TAOK1: variants seen among roughly 807,000 people sequenced by gnomAD.
TAOK1 encodes the protein TAO kinase 1.
TAOK1 carries 21 observed loss-of-function variants against 138.3 expected under a neutral mutation model. That is an observed-to-expected ratio of 0.15 (90% confidence interval 0.11 to 0.22). TAOK1 has a LOEUF of 0.22. TAOK1 is among the 10% of genes least tolerant of loss of function. TAOK1 has a pLI of 1.00. For synonymous variants in TAOK1, 361 were observed against 398.4 expected, an observed-to-expected ratio of 0.91 and a Z score of 1.12; for missense variants, 651 against 1,227.7, an observed-to-expected ratio of 0.53 and a Z score of 7.02.
In TAOK1 at chr17:29,390,529, C is replaced by G. The variant is rs920160649; in HGVS notation, c.-590C>G. On this transcript the variant is annotated 5_prime_UTR_variant, in exon 1 of 20. Coordinates refer to ENST00000261716, the MANE Select transcript of TAOK1 (RefSeq NM_020791.4). ...GGCACTCGCGAACATCTGAGGCCTC[C>G]CGGCCCCGGGGGACCCCGCCCCGCC... 4 of 152,564 alleles carry G rather than the reference C, an allele frequency of 2.6e-5. No homozygotes were observed. Among genetic ancestry groups the G allele is most frequent in the African/African-American group, 9.7e-5 (4 of 41,436 alleles). The allele number at this position is 152,564 out of a possible 1,614,324, so 9.5% of individuals were successfully genotyped here.
intron 1 of TAOK1, among the ~76,000 whole-genome samples, chr17:29,403,176 A>T (rs866304053): frequency 0.017 from 2,491 of 150,924 alleles, 86 homozygotes; most frequent in African/African-American, 0.057. Flanking sequence ...AAAAAAAAAA[A>T]AAAAAAAAAT....
At chr17:29,488,881 G>A (rs527275721) in intron 8 of TAOK1, among the ~76,000 whole-genome samples, 16 of 152,086 alleles carry the variant, frequency 1.1e-4, no homozygotes, top group African/African-American at 3.4e-4. Context: ...AAATCAGTGC[G>A]GATATTAAAA....
intron 1 of TAOK1, among the ~76,000 whole-genome samples, chr17:29,419,903 A>G (rs1476891077): frequency 6.6e-6 from 1 of 152,074 alleles, no homozygotes; most frequent in Non-Finnish European, 1.5e-5. Flanking sequence ...TTTTTGAGAC[A>G]GGGTCTCACT....
intron 8 of TAOK1, among the ~76,000 whole-genome samples, chr17:29,487,199 T>C (rs1253311913): frequency 1.5e-5 from 2 of 137,430 alleles, no homozygotes; most frequent in Non-Finnish European, 3.0e-5. Flanking sequence ...TGAGCCAAGA[T>C]TGTGCCATTG....
intron 1 of TAOK1, among the ~76,000 whole-genome samples, chr17:29,428,771 G>A (rs547048968): frequency 6.7e-6 from 1 of 148,878 alleles, no homozygotes; most frequent in Non-Finnish European, 1.5e-5. Flanking sequence ...CTGCAGTTGC[G>A]CACCACAACA....
chr17:29,394,554 C>G (rs923151835), intron 1 of TAOK1, among the ~76,000 whole-genome samples: 1 of 152,104 alleles, frequency 6.6e-6, no homozygotes, highest in Non-Finnish European at 1.5e-5. Flanking sequence ...GAGTTGAGAT[C>G]AATCTGTCTT....
At chr17:29,417,012 T>TG (rs1424965136) in intron 1 of TAOK1, among the ~76,000 whole-genome samples, 6 of 152,080 alleles carry the variant, frequency 3.9e-5, no homozygotes, top group Admixed American at 2.0e-4. Flanking sequence ...CCAGTTTTTT[T>TG]TTTTTGTTGT....
At chr17:29,453,015 T>C (rs769648025) in intron 2 of TAOK1, among the ~76,000 whole-genome samples, 5 of 152,180 alleles carry the variant, frequency 3.3e-5, no homozygotes, top group Non-Finnish European at 5.9e-5. Flanking sequence ...CAGGTTCCTA[T>C]AGTATTCTGT....
intron 10 of TAOK1, among the ~76,000 whole-genome samples, chr17:29,493,140 C>CA (rs1449291667): frequency 2.7e-5 from 4 of 148,030 alleles, no homozygotes; most frequent in Non-Finnish European, 4.5e-5. Flanking sequence ...ACTGTGTCTC[C>CA]AAAAAAAAGA....
At chr17:29,477,812 A>G (rs1354345235) in intron 5 of TAOK1, 106 bp downstream of exon 5, 2 of 573,374 alleles carry the variant, frequency 3.5e-6, no homozygotes, top group East Asian at 8.7e-5. Flanking sequence ...CTTTCCAGAA[A>G]GAGCAGAACT....
chr17:29,493,746 A>G (rs1170805684), intron 10 of TAOK1, among the ~76,000 whole-genome samples: 1 of 152,154 alleles, frequency 6.6e-6, no homozygotes, highest in Non-Finnish European at 1.5e-5. Flanking sequence ...GTTGCAGTCT[A>G]TCATAAAGAA....
intron 1 of TAOK1, among the ~76,000 whole-genome samples, chr17:29,406,788 G>A (rs566306920): frequency 1.3e-5 from 2 of 152,100 alleles, no homozygotes; most frequent in Non-Finnish European, 2.9e-5. Flanking sequence ...GGCTGGTCTT[G>A]AACTCCCGGG....
chr17:29,453,320 C>T lies in TAOK1; in HGVS notation c.132+1640C>T, dbSNP rs184197958. Among the ~76,000 whole-genome samples the T allele has an allele frequency of 3.6e-3, 544 of 150,724 alleles. 5 individuals carry two copies. The highest frequency in any genetic ancestry group is 0.014 in the East Asian group (71 of 5,020). On this transcript the variant is annotated intron_variant, in intron 2 of 19. Coordinates refer to ENST00000261716, the MANE Select transcript of TAOK1 (RefSeq NM_020791.4). The stretch of plus-strand genomic sequence containing the variant: ...GACTACAGGCGCCCACCACCACGCC[C>T]GGCTAATTTTTTGTATTTTTAGTAG...
At chr17:29,425,323 T>C (rs1474286218) in intron 1 of TAOK1, among the ~76,000 whole-genome samples, 1 of 152,194 alleles carries the variant, frequency 6.6e-6, no homozygotes, top group African/African-American at 2.4e-5. Flanking sequence ...TTCTCCTGCC[T>C]TGGCCTCCCA....
chr17:29,494,825 CAAAAAAAAAAAA>C (rs368548444), intron 10 of TAOK1, among the ~76,000 whole-genome samples: 1 of 48,314 alleles, frequency 2.1e-5, no homozygotes, highest in Non-Finnish European at 4.5e-5. Flanking sequence ...GACTCCGTCT[CAAAAAAAAAAAA>C]AAAAAAAAAA....
intron 16 of TAOK1, among the ~76,000 whole-genome samples, chr17:29,519,487 C>G (rs1353834129): frequency 6.6e-6 from 1 of 151,294 alleles, no homozygotes; most frequent in Admixed American, 6.6e-5. Context: ...CTGCTGCACT[C>G]CGGTCTGGGC....
chr17:29,477,282 G>T (rs2030964623), intron 4 of TAOK1, among the ~76,000 whole-genome samples: 1 of 151,970 alleles, frequency 6.6e-6, no homozygotes, highest in Admixed American at 6.6e-5. Context: ...GATCAATATT[G>T]TTACTATAGG....
In TAOK1 at chr17:29,533,347, A is replaced by C. The variant is rs550803962; in HGVS notation, c.2362-771A>C. Among the ~76,000 whole-genome samples, 16 of 144,544 alleles carry C rather than the reference A, an allele frequency of 1.1e-4. No individual in the cohort carries two copies. The East Asian group carries it at 3.1e-3, about 28-fold the overall frequency. The allele number at this position is 144,544 out of a possible 152,430, so 94.8% of individuals were successfully genotyped here. On this transcript the variant is annotated intron_variant, in intron 18 of 19. Transcript: ENST00000261716. ...TGGCGGCCGGGCAGAGATGTTCCTC[A>C]CTTTCCACACTGGGCAGCCAGGCAG...
At chr17:29,488,579 T>TAAC in intron 8 of TAOK1, among the ~76,000 whole-genome samples, 1 of 130,820 alleles carries the variant, frequency 7.6e-6, no homozygotes, top group South Asian at 2.3e-4. Flanking sequence ...TCTCAAAAAA[T>TAAC]AATAATAATA....
Sources: gnomAD v4.1 joint callset for allele counts (sites outside exome capture counted in the v4.1 genomes callset) on GRCh38, gnomAD v4.1.1 for gene constraint, MANE v1.5 for transcripts, NCBI Gene and HGNC (gene_info 2026-07-23, HGNC 2026-07-21) for gene names.